ASTN2: variants seen among roughly 807,000 people sequenced by gnomAD.
The protein encoded by ASTN2 is astrotactin 2.
A neutral mutation model predicts 139.8 loss-of-function variants in ASTN2; 54 were observed. The observed-to-expected ratio is 0.39, with a 90% confidence interval of 0.31 to 0.48. The LOEUF (loss-of-function observed/expected upper bound fraction) is 0.48. Ranked by LOEUF, ASTN2 falls within the 20% of genes least tolerant of loss-of-function variation. The pLI, the probability that ASTN2 is intolerant of heterozygous loss-of-function variation, is 0.95. For missense variants in ASTN2, 1,565 were observed against 1,725.1 expected, an observed-to-expected ratio of 0.91 and a Z score of 1.64; for synonymous variants, 756 against 719.5, an observed-to-expected ratio of 1.05 and a Z score of -0.81.
chr9:116,672,337 C>T (rs773978846), intron 16 of ASTN2, among the ~76,000 whole-genome samples: 1 of 151,702 alleles, frequency 6.6e-6, no homozygotes, highest in Non-Finnish European at 1.5e-5. Context: ...CTGCACTCCA[C>T]CCTGGGTGAC....
chr9:116,989,830 T>G (rs1182043827), intron 7 of ASTN2, among the ~76,000 whole-genome samples: 4 of 152,100 alleles, frequency 2.6e-5, no homozygotes, highest in African/African-American at 9.7e-5. Context: ...GTGATCCGCC[T>G]GCCTCGGCCT....
intron 1 of ASTN2, among the ~76,000 whole-genome samples, chr9:117,380,108 G>A (rs928639596): frequency 6.6e-6 from 1 of 152,024 alleles, no homozygotes; most frequent in African/African-American, 2.4e-5. Flanking sequence ...AAGATGAAGG[G>A]ATCCATTTAT....
intron 1 of ASTN2, among the ~76,000 whole-genome samples, chr9:117,393,703 G>T (rs1468365954): frequency 1.3e-5 from 2 of 152,162 alleles, no homozygotes; most frequent in African/African-American, 4.8e-5. Context: ...GTCTCGCAGG[G>T]ACTGAGAGCT....
At chr9:117,061,395 CT>C (rs199672387) in intron 5 of ASTN2, among the ~76,000 whole-genome samples, 1 of 152,132 alleles carries the variant, frequency 6.6e-6, no homozygotes, top group Non-Finnish European at 1.5e-5. Flanking sequence ...TAATGTTGCT[CT>C]TTTTTTCCTC....
At chr9:116,478,610 C>A (rs1371986178) in intron 20 of ASTN2, among the ~76,000 whole-genome samples, 3 of 152,160 alleles carry the variant, frequency 2.0e-5, no homozygotes, top group Admixed American at 2.0e-4. Context: ...TGACCTTAAG[C>A]TGAATGAAAT....
At chr9:116,665,978 C>A (rs1288144137) in intron 16 of ASTN2, among the ~76,000 whole-genome samples, 1 of 152,152 alleles carries the variant, frequency 6.6e-6, no homozygotes, top group African/African-American at 2.4e-5. Context: ...ATGCTTTGAA[C>A]TGGATTTCAG....
intron 13 of ASTN2, among the ~76,000 whole-genome samples, chr9:116,769,677 TG>T (rs1289376961): frequency 6.6e-6 from 1 of 152,202 alleles, no homozygotes; most frequent in African/African-American, 2.4e-5. Context: ...TATATGTGTA[TG>T]TGGCACAAAA....
intron 1 of ASTN2, among the ~76,000 whole-genome samples, chr9:117,359,608 G>A (rs963504153): frequency 6.6e-6 from 1 of 152,180 alleles, no homozygotes; most frequent in Non-Finnish European, 1.5e-5. Context: ...GAACCATATG[G>A]TTCTTGAAAT....
At chr9:116,807,148 T>C (rs141404633) in intron 12 of ASTN2, among the ~76,000 whole-genome samples, 48 of 152,330 alleles carry the variant, frequency 3.2e-4, no homozygotes, top group African/African-American at 1.0e-3. Context: ...AGGCAATCTC[T>C]TATTTGCCTT....
chr9:116,732,824 G>C (rs375114579), intron 14 of ASTN2, among the ~76,000 whole-genome samples: 40 of 152,314 alleles, frequency 2.6e-4, no homozygotes, highest in African/African-American at 8.7e-4. Context: ...CCAGGTTTTA[G>C]TCCTGGCAGA....
At chr9:117,346,849 G>A (rs1376326077) in intron 1 of ASTN2, among the ~76,000 whole-genome samples, 1 of 152,098 alleles carries the variant, frequency 6.6e-6, no homozygotes, top group Non-Finnish European at 1.5e-5. Flanking sequence ...AATTTCCACT[G>A]TCTGCAAAAT....
chr9:116,694,640 T>G (rs1004251808), intron 16 of ASTN2, among the ~76,000 whole-genome samples: 1 of 149,220 alleles, frequency 6.7e-6, no homozygotes, highest in South Asian at 2.1e-4. Flanking sequence ...TTTTTTTTTT[T>G]TTTTGTATTT....
At position 117,320,449 on chromosome 9, in the gene ASTN2, A is replaced by G. The variant is rs1364528128; in HGVS notation, c.443-28936T>C. ...ACCACAGGCCAGGGCTTTTCCATAT[A>G]GGATTATATTTGCTGCTTAGAATCA... On this transcript the variant is annotated intron_variant, in intron 1 of 22. Transcript: ENST00000313400. Among the ~76,000 whole-genome samples the G allele has an allele frequency of 2.0e-5, 3 of 152,250 alleles. No individual in the cohort carries two copies. The East Asian group carries it at 5.8e-4, about 29-fold the overall frequency.
At chr9:116,530,634 C>G (rs919104746) in intron 19 of ASTN2, among the ~76,000 whole-genome samples, 1 of 151,842 alleles carries the variant, frequency 6.6e-6, no homozygotes. Context: ...GTAACTAAAA[C>G]AAGAAAATAT....
At chr9:117,017,679 C>T (rs2132608525) in intron 6 of ASTN2, among the ~76,000 whole-genome samples, 1 of 152,242 alleles carries the variant, frequency 6.6e-6, no homozygotes, top group South Asian at 2.1e-4. Flanking sequence ...CTGGCTAAGG[C>T]CTTCATGTTT....
rs183607115 is a variant in ASTN2, at chr9:117,280,723, T to C, written c.630+10603A>G. On this transcript the variant is annotated intron_variant, in intron 2 of 22. Transcript: ENST00000313400. ...CTGTTGTCTTAAGCTTCTTAAATTA[T>C]GGTAATTTGTCACGGCAGCCTTAGG... 8.5e-5 allele frequency among the ~76,000 whole-genome samples: 13 copies of C among 152,290 alleles called. No homozygotes were observed. The East Asian group carries it at 2.1e-3, about 25-fold the overall frequency.
chr9:116,850,667 T>C (rs7032261), intron 11 of ASTN2, among the ~76,000 whole-genome samples: 28 of 152,314 alleles, frequency 1.8e-4, no homozygotes, highest in African/African-American at 6.7e-4. Flanking sequence ...TTGTTCTTTT[T>C]TTCTACCCCA....
chr9:116,744,175 C>T (rs780704282), intron 13 of ASTN2, among the ~76,000 whole-genome samples: 5 of 151,932 alleles, frequency 3.3e-5, no homozygotes, highest in Non-Finnish European at 7.4e-5. Context: ...TGTGTGTGGG[C>T]GCATGTGTGT....
chr9:116,679,149 GC>G (rs764477396), intron 16 of ASTN2, among the ~76,000 whole-genome samples: 14 of 151,974 alleles, frequency 9.2e-5, no homozygotes, highest in Non-Finnish European at 1.9e-4. Context: ...TATCATTTTG[GC>G]CAAATGAATT....
Sources: gnomAD v4.1 joint callset for allele counts (sites outside exome capture counted in the v4.1 genomes callset) on GRCh38, gnomAD v4.1.1 for gene constraint, MANE v1.5 for transcripts, NCBI Gene and HGNC (gene_info 2026-07-23, HGNC 2026-07-21) for gene names.